The following SATB2 variants were observed in gnomAD, a reference collection of about 807,000 sequenced individuals.
SATB2 encodes SATB homeobox 2.
A neutral mutation model predicts 73.4 loss-of-function variants in SATB2; 1 was observed. That is an observed-to-expected ratio of 0.01 (90% CI 0.00 to 0.06). SATB2 has a LOEUF of 0.06. SATB2 is among the 10% of genes least tolerant of loss of function. SATB2 has a pLI of 1.00. For synonymous variants in SATB2, 397 were observed against 367.0 expected, an observed-to-expected ratio of 1.08 and a Z score of -0.93; for missense variants, 459 against 945.8, an observed-to-expected ratio of 0.49 and a Z score of 6.75.
intron 9 of SATB2, among the ~76,000 whole-genome samples, chr2:199,322,072 T>C (rs1048519267): frequency 2.6e-5 from 4 of 152,330 alleles, no homozygotes; most frequent in African/African-American, 7.2e-5. Flanking sequence ...ACCTGAATTA[T>C]TTTAGGAGGC....
chr2:199,366,358 T>G (rs1038894249), intron 6 of SATB2, among the ~76,000 whole-genome samples: 2 of 151,968 alleles, frequency 1.3e-5, no homozygotes, highest in Admixed American at 6.6e-5. Flanking sequence ...TCCTACTAGG[T>G]AGAAACTCCC....
intron 10 of SATB2, among the ~76,000 whole-genome samples, chr2:199,291,998 T>G (rs1228685344): frequency 6.6e-6 from 1 of 152,088 alleles, no homozygotes; most frequent in Non-Finnish European, 1.5e-5. Context: ...AACTTTCTAT[T>G]TCTGAGAAGA....
chr2:199,368,749 C>T, intron 5 of SATB2, 42 bp from the exon 6 acceptor site: 1 of 1,213,040 alleles, frequency 8.2e-7, no homozygotes, highest in Non-Finnish European at 1.2e-6. Context: ...AATATGACTA[C>T]TTCTTTTTAG....
intron 6 of SATB2, among the ~76,000 whole-genome samples, chr2:199,365,062 G>T (rs1478490928): frequency 6.6e-6 from 1 of 151,818 alleles, no homozygotes; most frequent in Non-Finnish European, 1.5e-5. Context: ...AACTACTTGG[G>T]TAAATCCCTC....
chr2:199,376,050 T>C (rs1180804171), intron 5 of SATB2, among the ~76,000 whole-genome samples: 4 of 152,198 alleles, frequency 2.6e-5, no homozygotes, highest in African/African-American at 9.7e-5. Context: ...ACAATCTAGC[T>C]ATGCAATTTA....
chr2:199,375,186 G>T (rs1479081799), intron 5 of SATB2, among the ~76,000 whole-genome samples: 1 of 152,112 alleles, frequency 6.6e-6, no homozygotes, highest in East Asian at 1.9e-4. Context: ...GCCACAGAAA[G>T]ATGCAATCAT....
intron 3 of SATB2, among the ~76,000 whole-genome samples, chr2:199,391,405 C>T (rs1210896660): frequency 6.8e-6 from 1 of 146,552 alleles, no homozygotes; most frequent in Admixed American, 6.9e-5. Flanking sequence ...TGCACTCCAG[C>T]CTGGGCGACA....
At chr2:199,431,772 A>G (rs756528861) in intron 3 of SATB2, among the ~76,000 whole-genome samples, 6 of 152,162 alleles carry the variant, frequency 3.9e-5, no homozygotes, top group Non-Finnish European at 8.8e-5. Flanking sequence ...TGTGTTCCAC[A>G]TGTGAGCTCG....
chr2:199,360,934 A>G (rs1689118724), intron 6 of SATB2, among the ~76,000 whole-genome samples: 1 of 151,922 alleles, frequency 6.6e-6, no homozygotes. Context: ...TGCACCCTTG[A>G]TAACACTTCC....
intron 2 of SATB2, among the ~76,000 whole-genome samples, chr2:199,436,019 A>G (rs920602877): frequency 3.3e-5 from 5 of 152,232 alleles, no homozygotes; most frequent in Admixed American, 1.3e-4. Context: ...CTGTGTGTAC[A>G]TAAGTTTCGA....
At chr2:199,376,360 A>C in intron 5 of SATB2, among the ~76,000 whole-genome samples, 1 of 152,198 alleles carries the variant, frequency 6.6e-6, no homozygotes, top group East Asian at 1.9e-4. Flanking sequence ...ATAAAACTAT[A>C]CTTTATGAAA....
intron 3 of SATB2, 111 bp downstream of exon 3, chr2:199,433,227 A>C (rs2105928667): frequency 1.8e-6 from 2 of 1,132,264 alleles, no homozygotes; most frequent in Middle Eastern, 3.0e-4. Flanking sequence ...GAAATGCTAA[A>C]TCTGACAATT....
intron 7 of SATB2, among the ~76,000 whole-genome samples, chr2:199,344,120 C>T (rs1204120165): frequency 6.6e-6 from 1 of 152,056 alleles, no homozygotes; most frequent in Non-Finnish European, 1.5e-5. Flanking sequence ...TTCTAAAATC[C>T]AAAGTAATAC....
At chr2:199,405,612 A>AC (rs1477181841) in intron 3 of SATB2, among the ~76,000 whole-genome samples, 2 of 152,142 alleles carry the variant, frequency 1.3e-5, no homozygotes, top group Non-Finnish European at 2.9e-5. Context: ...GGAGTACTCC[A>AC]CCACTATCAC....
At chr2:199,459,512 A>G (rs982582756), upstream of SATB2, 1 of 152,134 alleles carries the variant, frequency 6.6e-6, no homozygotes, top group Non-Finnish European at 1.5e-5. The surrounding 1 kb of genome is among the most constrained non-coding windows in gnomAD (Gnocchi z 4.2). Context: ...GTCGGCGGAC[A>G]TTAGCCGCTA....
At position 199,409,167 on chromosome 2, in the gene SATB2, C is replaced by CTT. The variant is rs67330007; in HGVS notation, c.346+24169_346+24170dup. Among the ~76,000 whole-genome samples the CTT allele has an allele frequency of 4.1e-3, 478 of 115,226 alleles. 6 individuals carry two copies. The highest frequency in any genetic ancestry group is 0.012 in the Admixed American group (123 of 10,114). The allele number at this position is 115,226 out of a possible 152,430, so 75.6% of individuals were successfully genotyped here. On this transcript the variant is annotated intron_variant, in intron 3 of 10. Coordinates refer to ENST00000417098, the MANE Select transcript of SATB2 (RefSeq NM_001172509.2). ...GCTCCAACATTTTCTTTTTTCTTTTCTTTTTTTTTTTTTTTTTTTGAGACG... is the reference window on the plus strand; with the variant it reads ...GCTCCAACATTTTCTTTTTTCTTTTCTTTTTTTTTTTTTTTTTTTTTGAGACG...
At chr2:199,404,840 CTG>C (rs1221892717) in intron 3 of SATB2, among the ~76,000 whole-genome samples, 1 of 152,170 alleles carries the variant, frequency 6.6e-6, no homozygotes, top group African/African-American at 2.4e-5. Flanking sequence ...CTTAAAAACA[CTG>C]TGATGCTTCT....
chr2:199,414,226 G>A (rs1239432368), intron 3 of SATB2, among the ~76,000 whole-genome samples: 1 of 152,110 alleles, frequency 6.6e-6, no homozygotes, highest in Non-Finnish European at 1.5e-5. Context: ...TCTTGTCAAG[G>A]CCCCTCTCAC....
intron 6 of SATB2, among the ~76,000 whole-genome samples, chr2:199,364,248 T>A (rs1453738426): frequency 6.6e-6 from 1 of 152,176 alleles, no homozygotes; most frequent in East Asian, 1.9e-4. Flanking sequence ...CACAACCCAC[T>A]TAACCACTTT....
Sources: gnomAD v4.1 joint callset for allele counts (sites outside exome capture counted in the v4.1 genomes callset) on GRCh38, gnomAD v4.1.1 for gene constraint, Gnocchi (gnomAD v3.1) non-coding constraint, MANE v1.5 for transcripts, NCBI Gene and HGNC (gene_info 2026-07-23, HGNC 2026-07-21) for gene names.